The following GABRB3 variants were observed in gnomAD, a reference collection of about 807,000 sequenced individuals.
GABRB3 encodes gamma-aminobutyric acid receptor subunit beta-3.
In GABRB3, 14 loss-of-function variants were observed where a neutral mutation model predicts 52.1. The observed-to-expected ratio is 0.27, with a 90% CI of 0.18 to 0.42. The LOEUF is 0.42. Ranked by LOEUF, GABRB3 falls within the 10% of genes least tolerant of loss-of-function variation. The pLI is 1.00. For missense variants in GABRB3, 307 were observed against 609.1 expected, an observed-to-expected ratio of 0.50 and a Z score of 5.22; for synonymous variants, 260 against 232.3, an observed-to-expected ratio of 1.12 and a Z score of -1.08.
chr15:26,772,838 AC>A (rs1566838206), intron 1 of GABRB3, 44 bp downstream of exon 1: 3 of 1,443,862 alleles, frequency 2.1e-6, no homozygotes, highest in Admixed American at 5.2e-5. Context: ...CGCCCCGCGC[AC>A]CCCGCGCCCT....
rs1351364332 is a variant in GABRB3, at chr15:26,546,635, CAGT to C, written c.*1155_*1157del. 1.3e-5 allele frequency: 2 copies of C among 152,420 alleles called. No individual in the cohort carries two copies. Among genetic ancestry groups the C allele is most frequent in the Non-Finnish European group, 2.9e-5 (2 of 68,000 alleles). 9.4% of individuals were successfully genotyped at this position (152,420 alleles called of 1,614,324 possible). A position where few individuals can be genotyped will look rare whatever the true frequency, so the allele number is the denominator to read the frequency against. ...ATGATTCTTAGTTTCTGAAATTGAACAGTAGAAGTGTTTTAGCTTCAATCTTAA... is the reference window on the plus strand; with the variant it reads ...ATGATTCTTAGTTTCTGAAATTGAACAGAAGTGTTTTAGCTTCAATCTTAA... On this transcript the variant is annotated 3_prime_UTR_variant, in exon 9 of 9. Coordinates refer to ENST00000311550, the MANE Select transcript of GABRB3 (RefSeq NM_000814.6).
At chr15:26,587,905 C>T (rs1249114450) in intron 4 of GABRB3, among the ~76,000 whole-genome samples, 1 of 152,088 alleles carries the variant, frequency 6.6e-6, no homozygotes, top group Admixed American at 6.6e-5. Context: ...CTGAGAATTC[C>T]ACTGTTATTC....
upstream of GABRB3, chr15:26,773,753 G>T (rs767639106): frequency 6.5e-7 from 1 of 1,545,934 alleles, no homozygotes; most frequent in South Asian, 1.2e-5. Flanking sequence ...TAACCTGCTG[G>T]GATCCGCTCT....
At chr15:26,757,553 T>C (rs1945539309) in intron 3 of GABRB3, among the ~76,000 whole-genome samples, 1 of 152,232 alleles carries the variant, frequency 6.6e-6, no homozygotes, top group African/African-American at 2.4e-5. Flanking sequence ...GGACATTTCA[T>C]TTAGTTACAA....
In GABRB3 at chr15:26,547,735, G is replaced by T; in HGVS notation, c.*58C>A. 7.1e-7 allele frequency: 1 copy of T among 1,402,104 alleles called. No homozygotes were observed. Among genetic ancestry groups the T allele is most frequent in the Non-Finnish European group, 1.0e-6 (1 of 990,154 alleles). 86.9% of individuals were successfully genotyped at this position (1,402,104 alleles called of 1,614,324 possible). ...GTGTACAGGTATAAAAACTTGACAGGCAGAGTAATATTTCACTCAGTGTTA... is the reference window on the plus strand; with the variant it reads ...GTGTACAGGTATAAAAACTTGACAGTCAGAGTAATATTTCACTCAGTGTTA... On this transcript the variant is annotated 3_prime_UTR_variant, in exon 9 of 9. Transcript: ENST00000311550.
chr15:26,611,654 T>G (rs1892075461), intron 4 of GABRB3, among the ~76,000 whole-genome samples: 1 of 152,228 alleles, frequency 6.6e-6, no homozygotes, highest in African/African-American at 2.4e-5. Context: ...CATGTCTGTG[T>G]AAGGCATATG....
intron 3 of GABRB3, among the ~76,000 whole-genome samples, chr15:26,764,635 C>T (rs1418404679): frequency 1.3e-5 from 2 of 152,160 alleles, no homozygotes; most frequent in Non-Finnish European, 2.9e-5. Context: ...GATTGAATGG[C>T]ACTGAGCAAA....
intron 3 of GABRB3, among the ~76,000 whole-genome samples, chr15:26,707,238 T>C (rs1186436102): frequency 6.6e-6 from 1 of 152,186 alleles, no homozygotes; most frequent in Non-Finnish European, 1.5e-5. Flanking sequence ...GACAGGCATG[T>C]TCCCAGGAAC....
intron 6 of GABRB3, among the ~76,000 whole-genome samples, chr15:26,576,823 C>A (rs927921758): frequency 6.6e-6 from 1 of 152,058 alleles, no homozygotes; most frequent in African/African-American, 2.4e-5. Flanking sequence ...TATACTTACA[C>A]GGAAAGTTTT....
intron 3 of GABRB3, among the ~76,000 whole-genome samples, chr15:26,755,125 T>C (rs1184156375): frequency 6.6e-6 from 1 of 150,954 alleles, no homozygotes; most frequent in Non-Finnish European, 1.5e-5. Context: ...TGCCTCAGCC[T>C]CCCAAGTACC....
Position 26,684,462 on chromosome 15 carries a change from T to G in GABRB3, c.241-62928A>C, listed in dbSNP as rs144863364. ...ACCAGTGTGTAGCATTTGCAATTTC[T>G]TTCAATAATGTTTCCTTTGCACTCA... is the stretch of plus-strand genomic sequence containing the variant. On this transcript the variant is annotated intron_variant, in intron 3 of 8. Transcript: ENST00000311550. Among the ~76,000 whole-genome samples the G allele has an allele frequency of 2.5e-3, 387 of 152,338 alleles. 1 individual carries two copies. Among genetic ancestry groups the G allele is most frequent in the Middle Eastern group, 6.8e-3 (2 of 294 alleles).
intron 3 of GABRB3, among the ~76,000 whole-genome samples, chr15:26,732,765 T>G (rs964507092): frequency 6.6e-6 from 1 of 151,898 alleles, no homozygotes; most frequent in Non-Finnish European, 1.5e-5. Context: ...CCGAGGCAGG[T>G]GGATCGCGAG....
chr15:26,633,887 C>CT (rs1892972579), intron 3 of GABRB3, among the ~76,000 whole-genome samples: 1 of 152,222 alleles, frequency 6.6e-6, no homozygotes, highest in African/African-American at 2.4e-5. Flanking sequence ...GCTGAAAGAA[C>CT]TTTGAGCGTT....
At chr15:26,633,165 G>A (rs908393754) in intron 3 of GABRB3, among the ~76,000 whole-genome samples, 1 of 152,150 alleles carries the variant, frequency 6.6e-6, no homozygotes, top group Non-Finnish European at 1.5e-5. Context: ...ATATCCAAAT[G>A]CAATACAAGC....
At chr15:26,692,547 T>C (rs1285674535) in intron 3 of GABRB3, among the ~76,000 whole-genome samples, 13 of 152,220 alleles carry the variant, frequency 8.5e-5, no homozygotes. Flanking sequence ...ATTTTGACTC[T>C]AGCTTGGAAG....
intron 3 of GABRB3, among the ~76,000 whole-genome samples, chr15:26,764,610 G>C (rs1195073159): frequency 6.6e-6 from 1 of 152,158 alleles, no homozygotes; most frequent in Non-Finnish European, 1.5e-5. Context: ...GAGATCAAGA[G>C]ACTCACTCTA....
chr15:26,716,927 C>A (rs563727832), intron 3 of GABRB3, among the ~76,000 whole-genome samples: 5 of 140,728 alleles, frequency 3.6e-5, no homozygotes, highest in East Asian at 2.0e-4. Flanking sequence ...CTCTGGGGAC[C>A]TCCACCCAAC....
intron 3 of GABRB3, among the ~76,000 whole-genome samples, chr15:26,748,255 C>T (rs1270953847): frequency 6.6e-6 from 1 of 151,990 alleles, no homozygotes; most frequent in Non-Finnish European, 1.5e-5. Context: ...TGGTTCCCTC[C>T]TCTTCTATTT....
chr15:26,772,571 C>T, intron 2 of GABRB3, 102 bp from the exon 3 acceptor site: 1 of 1,443,620 alleles, frequency 6.9e-7, no homozygotes, highest in East Asian at 2.7e-5. Context: ...GGCGAAGGGC[C>T]CCCACTCCCA....
Sources: allele counts gnomAD v4.1 joint callset (sites outside exome capture counted in the v4.1 genomes callset), GRCh38; gene constraint gnomAD v4.1.1; transcripts MANE v1.5; gene names NCBI Gene and HGNC (gene_info 2026-07-23, HGNC 2026-07-21).